Variants in UTS2B observed in about 807,000 individuals in gnomAD.
UTS2B encodes urotensin-2B.
UTS2B carries 21 observed loss-of-function variants against 19.2 expected under a neutral mutation model. That is an observed-to-expected ratio of 1.09 (90% CI 0.78 to 1.58). The LOEUF is 1.58. UTS2B is among the 40% of genes most tolerant of loss of function. UTS2B has a pLI of 0.00. For synonymous variants in UTS2B, 57 were observed against 50.2 expected, an observed-to-expected ratio of 1.14 and a Z score of -0.58; for missense variants, 138 against 130.3, an observed-to-expected ratio of 1.06 and a Z score of -0.29.
chr3:191,340,950 C>T, the UTS2B span, among the ~76,000 whole-genome samples: 8 of 152,196 alleles, frequency 5.3e-5, no homozygotes, highest in Middle Eastern at 3.4e-3. Context: ...ATCCTTCTGC[C>T]TCAGCCTCCT....
rs781319419 is a variant in UTS2B, at chr3:191,282,200, A to C, written c.-11T>G. 3.1e-6 allele frequency: 5 copies of C among 1,594,164 alleles called. No homozygotes were observed. The highest frequency in any genetic ancestry group is 3.5e-5 in the Admixed American group (2 of 57,888). ...GAGGATCTTGTTCATGTTAAAAAAA[A>C]CCTTCTGGACTAGCAAAGAAACAGA... On this transcript the variant is annotated 5_prime_UTR_variant, in exon 5 of 9. Coordinates refer to ENST00000340524, the MANE Select transcript of UTS2B (RefSeq NM_198152.5).
In UTS2B at chr3:191,323,330, A is replaced by G. The variant is rs187380946; in HGVS notation, c.-586+5301T>C. Among the ~76,000 whole-genome samples, 162 of 152,136 alleles carry G rather than the reference A, an allele frequency of 1.1e-3. 1 individual carries two copies. The highest frequency in any genetic ancestry group is 3.8e-3 in the African/African-American group (156 of 41,488). On this transcript the variant is annotated intron_variant, in intron 2 of 8. Transcript: ENST00000340524. ...GGCTACAGGCATGGACACCATGCCC[A>G]GCTAATTCTTGTATTTTTAGTAGAG...
chr3:191,289,447 T>TAAATAAAA lies in UTS2B; in HGVS notation c.-124-7135_-124-7134insTTTTATTT, dbSNP rs1206575948. Among the ~76,000 whole-genome samples the TAAATAAAA allele has an allele frequency of 2.1e-3, 309 of 144,622 alleles. 2 individuals carry two copies. The East Asian group carries it at 0.023, about 11-fold the overall frequency. The allele number at this position is 144,622 out of a possible 152,430, so 94.9% of individuals were successfully genotyped here. ...ATAAATAAATAAATAAATAAATAAA[T>TAAATAAAA]AAAAAACAAACGAAATTAATATGTT... On this transcript the variant is annotated intron_variant, in intron 4 of 8. Coordinates refer to ENST00000340524, the MANE Select transcript of UTS2B (RefSeq NM_198152.5).
intron 1 of UTS2B, chr3:191,329,289 C>T (rs982184296): frequency 8.5e-5 from 17 of 199,826 alleles, no homozygotes; most frequent in Non-Finnish European, 1.7e-4. Flanking sequence ...TCTTCGCTCG[C>T]CAGCCACTCG....
At position 191,290,748 on chromosome 3, in the gene UTS2B, G is replaced by A. The variant is rs546563513; in HGVS notation, c.-124-8435C>T. 1.3e-3 allele frequency among the ~76,000 whole-genome samples: 200 copies of A among 152,260 alleles called. 2 individuals carry two copies. The highest frequency in any genetic ancestry group is 2.4e-4 in the Non-Finnish European group (16 of 68,020). ...TTTCCATTTTGTCAATGAAGGCTTC[G>A]TCAAGTTATAATTTACAGGGAACAG... On this transcript the variant is annotated intron_variant, in intron 4 of 8. Transcript: ENST00000340524.
intron 4 of UTS2B, among the ~76,000 whole-genome samples, chr3:191,282,899 A>G (rs1368304176): frequency 6.6e-6 from 1 of 152,192 alleles, no homozygotes; most frequent in Admixed American, 6.5e-5. Context: ...CAAATGTCCC[A>G]TCAGTTACTC....
chr3:191,278,600 A>AAATGTG (rs1363768021), intron 5 of UTS2B, among the ~76,000 whole-genome samples: 3 of 152,070 alleles, frequency 2.0e-5, no homozygotes, highest in Non-Finnish European at 4.4e-5. Flanking sequence ...ACATTTATAT[A>AAATGTG]TATAAGCCAG....
intron 3 of UTS2B, among the ~76,000 whole-genome samples, chr3:191,315,157 C>G (rs533566188): frequency 6.6e-6 from 1 of 151,960 alleles, no homozygotes; most frequent in Non-Finnish European, 1.5e-5. Flanking sequence ...GGATTATAGG[C>G]GCCTGCCACC....
At chr3:191,272,221 A>G (rs1716111845) in intron 8 of UTS2B, among the ~76,000 whole-genome samples, 1 of 152,248 alleles carries the variant, frequency 6.6e-6, no homozygotes, top group Admixed American at 6.5e-5. Context: ...CCCAATATAC[A>G]GTTTGATAAC....
chr3:191,323,901 G>T (rs569918234), intron 2 of UTS2B, among the ~76,000 whole-genome samples: 12 of 152,202 alleles, frequency 7.9e-5, no homozygotes, highest in Non-Finnish European at 1.6e-4. Context: ...GACAAAGAAT[G>T]AGTTTTTAGT....
At chr3:191,278,684 C>T (rs1348609914) in intron 5 of UTS2B, among the ~76,000 whole-genome samples, 1 of 151,872 alleles carries the variant, frequency 6.6e-6, no homozygotes, top group Non-Finnish European at 1.5e-5. Flanking sequence ...CTACCTCTTC[C>T]GTATTAACAT....
rs79929179 is a variant in UTS2B at position 191,282,087 on chromosome 3, C to T, written c.103G>A (p.Gly35Arg). ...GGATTTTTAATTGATATGCACGTAC[C>T]TTGGGTAAGATATGGTCGTCCATGC... is the stretch of plus-strand genomic sequence containing the variant. ...SVHGRPYLTQ[G>R]NEIFPDKKYT... is the part of the protein sequence containing the mutation. The change falls in exon 5 of 9, where the codon GGA (glycine) becomes AGA (arginine). Residue 35 changes from glycine to arginine, a missense_variant and splice_region_variant. Physicochemically the swap from Gly to Arg is moderately radical, Grantham distance 125. Coordinates refer to ENST00000340524, the MANE Select transcript of UTS2B (RefSeq NM_198152.5). The T allele has an allele frequency of 2.6e-4, 412 of 1,604,322 alleles. 2 individuals carry two copies. In the East Asian group the frequency reaches 8.2e-3, roughly 32 times the overall value.
At chr3:191,314,495 T>C (rs1207648073) in intron 3 of UTS2B, among the ~76,000 whole-genome samples, 3 of 152,224 alleles carry the variant, frequency 2.0e-5, no homozygotes, top group African/African-American at 4.8e-5. Context: ...TGGGTCATTG[T>C]GATATTGTGA....
intron 3 of UTS2B, among the ~76,000 whole-genome samples, chr3:191,309,040 C>A (rs1435750178): frequency 6.6e-6 from 1 of 152,130 alleles, no homozygotes; most frequent in African/African-American, 2.4e-5. Flanking sequence ...AATAGCATAC[C>A]AAATGCCAGT....
In UTS2B at chr3:191,288,146, T is replaced by G. The variant is rs558285971; in HGVS notation, c.-124-5833A>C. Among the ~76,000 whole-genome samples the G allele has an allele frequency of 5.1e-4, 77 of 152,288 alleles. 1 individual carries two copies. Among genetic ancestry groups the G allele is most frequent in the Non-Finnish European group, 6.3e-4 (43 of 67,978 alleles). On this transcript the variant is annotated intron_variant, in intron 4 of 8. Coordinates refer to ENST00000340524, the MANE Select transcript of UTS2B (RefSeq NM_198152.5). ...TGAAAGACACAAGCAAATGGAAAGA[T>G]AGCCTGCTTTCATGAATTAGAATAA...
intron 5 of UTS2B, among the ~76,000 whole-genome samples, chr3:191,280,120 T>G (rs59580438): frequency 0.035 from 5,317 of 152,250 alleles, 313 homozygotes; most frequent in African/African-American, 0.12. Context: ...GAAATTTAGT[T>G]GTCTCTTTGC....
intron 4 of UTS2B, among the ~76,000 whole-genome samples, chr3:191,285,064 T>C (rs1345649988): frequency 6.6e-6 from 1 of 152,234 alleles, no homozygotes; most frequent in African/African-American, 2.4e-5. Flanking sequence ...AATGGTGGTA[T>C]GTAAGTCACT....
At chr3:191,319,283 G>A (rs899579937) in intron 2 of UTS2B, among the ~76,000 whole-genome samples, 1 of 152,082 alleles carries the variant, frequency 6.6e-6, no homozygotes, top group Non-Finnish European at 1.5e-5. Context: ...ATTGTCTCTC[G>A]CCTACACCCT....
chr3:191,276,783 C>T (rs368839995), intron 7 of UTS2B, 24 bp downstream of exon 7: 53 of 1,600,934 alleles, frequency 3.3e-5, no homozygotes, highest in Non-Finnish European at 4.3e-5. Context: ...TAAAACTGCT[C>T]ATTTAAGTAT....
Sources: gnomAD v4.1 joint callset for allele counts (sites outside exome capture counted in the v4.1 genomes callset) on GRCh38, gnomAD v4.1.1 for gene constraint, MANE v1.5 for transcripts, NCBI Gene and HGNC (gene_info 2026-07-23, HGNC 2026-07-21) for gene names.